ARHGAP40: variants seen among roughly 807,000 people sequenced by gnomAD.
ARHGAP40 encodes Rho GTPase activating protein 40, also known as rho GTPase-activating protein 40.
Under a neutral mutation model 73.5 loss-of-function variants are expected in ARHGAP40, and 43 were observed. That is an observed-to-expected ratio of 0.58 (90% CI 0.46 to 0.75). The LOEUF (loss-of-function observed/expected upper bound fraction) is 0.75, where lower values mean the gene tolerates loss of function less well. Ranked by LOEUF, ARHGAP40 falls within the 30% of genes least tolerant of loss-of-function variation. The pLI is 0.00. For synonymous variants in ARHGAP40, 300 were observed against 352.8 expected, an observed-to-expected ratio of 0.85 and a Z score of 1.68; for missense variants, 734 against 861.8, an observed-to-expected ratio of 0.85 and a Z score of 1.86.
chr20:38,618,820 A>G (rs2145599233), intron 1 of ARHGAP40, among the ~76,000 whole-genome samples: 2 of 152,274 alleles, frequency 1.3e-5, no homozygotes, highest in East Asian at 3.9e-4. Flanking sequence ...CCAGACAGAG[A>G]AGTCTCATCG....
chr20:38,641,522 A>C (rs781407192), intron 9 of ARHGAP40, among the ~76,000 whole-genome samples: 1 of 152,222 alleles, frequency 6.6e-6, no homozygotes, highest in Non-Finnish European at 1.5e-5. Context: ...TACACAAAGT[A>C]TAGCGAGTGA....
At chr20:38,625,148 A>G (rs945899203) in intron 2 of ARHGAP40, among the ~76,000 whole-genome samples, 2 of 152,236 alleles carry the variant, frequency 1.3e-5, no homozygotes, top group African/African-American at 4.8e-5. Flanking sequence ...AGTGCCTCCA[A>G]GTGTAAATGT....
At chr20:38,621,037 G>A (rs1271433931) in intron 1 of ARHGAP40, among the ~76,000 whole-genome samples, 1 of 152,204 alleles carries the variant, frequency 6.6e-6, no homozygotes, top group Non-Finnish European at 1.5e-5. Flanking sequence ...GGCCCTGTGT[G>A]ACTGCACAGG....
rs1230530598 is a variant in ARHGAP40 at position 38,627,153 on chromosome 20, C to A, written c.496C>A (p.Arg166=). Reference sequence around the variant, plus strand: ...GCTGGACATCTATGCTCGCTCAGTGCGAAGACAACACAAGACACCTGTCAG... The same window carrying A: ...GCTGGACATCTATGCTCGCTCAGTGAGAAGACAACACAAGACACCTGTCAG... The change falls in exon 3 of 15, where the codon CGA becomes AGA. Residue 166 remains arginine, a synonymous_variant. Coordinates refer to ENST00000373345, the Ensembl canonical transcript of ARHGAP40. 4 of 1,305,308 alleles carry A rather than the reference C, an allele frequency of 3.1e-6. No individual in the cohort carries two copies. In the African/African-American group the frequency reaches 4.6e-5, roughly 15 times the overall value. 80.9% of individuals were successfully genotyped at this position (1,305,308 alleles called of 1,614,324 possible).
intron 13 of ARHGAP40, 91 bp downstream of exon 13, chr20:38,647,217 T>G: frequency 4.3e-6 from 5 of 1,153,430 alleles, no homozygotes; most frequent in Non-Finnish European, 5.6e-6. Flanking sequence ...TTACACATAC[T>G]GTTGGCCTGA....
rs1601152629 is a variant in ARHGAP40, at chr20:38,646,593, A to G, written c.1711-364A>G. The stretch of plus-strand genomic sequence containing the variant: ...GGGGTCCTGAACACGGTTCCTTATT[A>G]AAGTCCCGATTAGAGAAATTGATGA... On this transcript the variant is annotated intron_variant, in intron 12 of 14. Transcript: ENST00000373345. This position sits in a 1 kb window ranked among gnomAD's most constrained non-coding sequence, Gnocchi z 4.5. Among the ~76,000 whole-genome samples, 1 of 152,108 alleles carries G rather than the reference A, an allele frequency of 6.6e-6. No homozygotes were observed. The highest frequency in any genetic ancestry group is 1.5e-5 in the Non-Finnish European group (1 of 68,018).
chr20:38,607,593 C>A lies in ARHGAP40; in HGVS notation c.137+5514C>A, dbSNP rs188182540. On this transcript the variant is annotated intron_variant, in intron 1 of 14. Transcript: ENST00000373345. The stretch of plus-strand genomic sequence containing the variant: ...AGGTGAAGGTGTTAATTACACCAAG[C>A]AGTTAGGCTGCCGCCCTTCACAACC... Among the ~76,000 whole-genome samples, 46 of 152,306 alleles carry A rather than the reference C, an allele frequency of 3.0e-4. 1 individual carries two copies. Among genetic ancestry groups the A allele is most frequent in the African/African-American group, 1.1e-3 (46 of 41,564 alleles).
chr20:38,620,390 T>C (rs903348942), intron 1 of ARHGAP40, among the ~76,000 whole-genome samples: 1 of 152,256 alleles, frequency 6.6e-6, no homozygotes, highest in African/African-American at 2.4e-5. Flanking sequence ...ATTTTGTTTC[T>C]GTTCTTTCCC....
Position 38,646,219 on chromosome 20 carries a change from A to G in ARHGAP40, c.1710+32A>G, listed in dbSNP as rs1555792854. The G allele has an allele frequency of 1.6e-6, 2 of 1,272,740 alleles. No individual in the cohort carries two copies. Among genetic ancestry groups the G allele is most frequent in the Non-Finnish European group, 2.1e-6 (2 of 969,324 alleles). 78.8% of individuals were successfully genotyped at this position (1,272,740 alleles called of 1,614,324 possible). ...GCCCCCGACCCCAGACAGGTGGAGA[A>G]GGGCCGAGGCGACAGGAGGGCACCT... is the stretch of plus-strand genomic sequence containing the variant. On this transcript the variant is annotated intron_variant, in intron 12 of 14. Transcript: ENST00000373345. The surrounding 1 kb of genome is among the most constrained non-coding windows in gnomAD (Gnocchi z 4.5).
intron 5 of ARHGAP40, among the ~76,000 whole-genome samples, chr20:38,632,411 G>A (rs1237826022): frequency 2.1e-5 from 3 of 143,592 alleles, no homozygotes; most frequent in African/African-American, 4.9e-5. Flanking sequence ...ACAGGCGCCC[G>A]CCACCATGCC....
At chr20:38,645,041 G>T (rs563633581) in intron 11 of ARHGAP40, among the ~76,000 whole-genome samples, 1 of 151,894 alleles carries the variant, frequency 6.6e-6, no homozygotes, top group Admixed American at 6.6e-5. Context: ...CTGGGCACTC[G>T]TCTGTGTTCT....
At chr20:38,645,920 A>C in intron 11 of ARHGAP40, 127 bp from the exon 12 acceptor site, 1 of 811,292 alleles carries the variant, frequency 1.2e-6, no homozygotes, top group Non-Finnish European at 1.7e-6. Flanking sequence ...CGTGTCCAAC[A>C]AATGCATATT....
intron 1 of ARHGAP40, among the ~76,000 whole-genome samples, chr20:38,604,615 C>T (rs534088713): frequency 2.0e-5 from 3 of 152,136 alleles, no homozygotes; most frequent in East Asian, 3.9e-4. Context: ...AGGCTGGTCT[C>T]GAACTCCTGA....
At chr20:38,624,213 C>A (rs535323919) in intron 2 of ARHGAP40, among the ~76,000 whole-genome samples, 53 of 152,080 alleles carry the variant, frequency 3.5e-4, no homozygotes, top group Non-Finnish European at 7.2e-4. Flanking sequence ...ATGTGACCAT[C>A]AGGGGGCCTC....
intron 1 of ARHGAP40, among the ~76,000 whole-genome samples, chr20:38,608,449 CGTT>C (rs1201191848): frequency 6.6e-6 from 1 of 152,140 alleles, no homozygotes; most frequent in Non-Finnish European, 1.5e-5. Flanking sequence ...GCTGGCTGCT[CGTT>C]GGTCGGAAGG....
At chr20:38,638,820 A>G (rs2088994305) in exon 8 of ARHGAP40, 1 of 1,305,424 alleles carries the variant, frequency 7.7e-7, no homozygotes, top group Non-Finnish European at 1.0e-6. Context: ...GGGTGCCCGG[A>G]TCCCAGGCCA....
At chr20:38,640,078 T>G (rs1366318994) in intron 9 of ARHGAP40, among the ~76,000 whole-genome samples, 3 of 120,088 alleles carry the variant, frequency 2.5e-5, no homozygotes, top group Admixed American at 8.1e-5. Flanking sequence ...GCGTTTTGGT[T>G]GTTGTTGTTG....
intron 1 of ARHGAP40, among the ~76,000 whole-genome samples, chr20:38,605,463 C>T (rs1453868514): frequency 6.6e-6 from 1 of 152,218 alleles, no homozygotes; most frequent in East Asian, 1.9e-4. Flanking sequence ...ACACCGAATT[C>T]ACTGTCTATG....
chr20:38,629,791 A>G (rs750764742), intron 5 of ARHGAP40, 141 bp downstream of exon 5: 12 of 976,028 alleles, frequency 1.2e-5, no homozygotes, highest in Non-Finnish European at 1.6e-5. Context: ...CGTACCACAA[A>G]TATTTACTGA....
Sources: gnomAD v4.1 joint callset for allele counts (sites outside exome capture counted in the v4.1 genomes callset) on GRCh38, gnomAD v4.1.1 for gene constraint, Gnocchi (gnomAD v3.1) non-coding constraint, MANE v1.5 for transcripts, NCBI Gene and HGNC (gene_info 2026-07-23, HGNC 2026-07-21) for gene names.